NMNAT3: variants seen among roughly 807,000 people sequenced by gnomAD.
The protein encoded by NMNAT3 is nicotinamide nucleotide adenylyltransferase 3, also known as nicotinamide/nicotinic acid mononucleotide adenylyltransferase 3.
A neutral mutation model predicts 24.8 loss-of-function variants in NMNAT3; 21 were observed. The ratio of observed to expected loss-of-function variants is 0.85; its 90% CI spans 0.60 to 1.22. The LOEUF (loss-of-function observed/expected upper bound fraction) is 1.22, where lower values mean the gene tolerates loss of function less well. Ranked by LOEUF, NMNAT3 falls within the 50% of genes most tolerant of loss-of-function variation. NMNAT3 has a pLI of 0.00. For synonymous variants in NMNAT3, 136 were observed against 155.2 expected, an observed-to-expected ratio of 0.88 and a Z score of 0.92; for missense variants, 387 against 436.6, an observed-to-expected ratio of 0.89 and a Z score of 1.01.
chr3:139,638,958 C>G (rs1411830208), intron 1 of NMNAT3, among the ~76,000 whole-genome samples: 1 of 152,206 alleles, frequency 6.6e-6, no homozygotes, highest in Non-Finnish European at 1.5e-5. Flanking sequence ...TCATCCTGTC[C>G]TGAGTGCTCA....
intron 6 of NMNAT3, chr3:139,568,642 C>G (rs1174973044): frequency 6.6e-6 from 1 of 152,094 alleles, no homozygotes; most frequent in Non-Finnish European, 1.5e-5. Flanking sequence ...TTCCATGTAG[C>G]TGAGCGGTTT....
At position 139,595,887 on chromosome 3, in the gene NMNAT3, G is replaced by T. The variant is rs6808118; in HGVS notation, c.110-12679C>A. 7.7e-4 allele frequency among the ~76,000 whole-genome samples: 118 copies of T among 152,300 alleles called. 2 individuals are homozygous for T. The highest frequency in any genetic ancestry group is 2.6e-3 in the African/African-American group (107 of 41,558). ...AAGAAAACCTAGGCATTACCATTCAGGACATAGGCATGGGCAAGGACTTCA... is the reference window on the plus strand; with the variant it reads ...AAGAAAACCTAGGCATTACCATTCATGACATAGGCATGGGCAAGGACTTCA... On this transcript the variant is annotated intron_variant, in intron 3 of 6. Transcript: ENST00000643695.
At chr3:139,608,281 T>C (rs1435684061) in intron 3 of NMNAT3, among the ~76,000 whole-genome samples, 1 of 152,208 alleles carries the variant, frequency 6.6e-6, no homozygotes, top group Non-Finnish European at 1.5e-5. Flanking sequence ...GCGCCCTAGT[T>C]GCCAAGGATG....
At chr3:139,616,137 TAGATATCACCAACAAAGCCATTCTCCC>T (rs1467549975) in intron 3 of NMNAT3, among the ~76,000 whole-genome samples, 34 of 152,208 alleles carry the variant, frequency 2.2e-4, no homozygotes, top group African/African-American at 7.9e-4. Context: ...GCCATTCTCC[TAGATATCACCAACAAAGCCATTCTCCC>T]AGATATCACC....
rs924636852 is a variant in NMNAT3, at chr3:139,631,229, C to G, written c.-40-3465G>C. 3.3e-5 allele frequency among the ~76,000 whole-genome samples: 5 copies of G among 152,236 alleles called. No individual in the cohort carries two copies. The South Asian group carries it at 8.3e-4, about 25-fold the overall frequency. On this transcript the variant is annotated intron_variant, in intron 2 of 6. Transcript: ENST00000643695. ...ACACAGGAGTGCACATTCCCAGGAT[C>G]AGTAACAGGGTCAGTGCACCTGTAC...
intron 3 of NMNAT3, among the ~76,000 whole-genome samples, chr3:139,590,012 G>A (rs1178868761): frequency 6.6e-6 from 1 of 152,208 alleles, no homozygotes; most frequent in Non-Finnish European, 1.5e-5. Flanking sequence ...CAGGGAGACA[G>A]TGAAAGGCAA....
intron 3 of NMNAT3, among the ~76,000 whole-genome samples, chr3:139,618,149 T>TACC (rs1354981121): frequency 6.6e-6 from 1 of 152,144 alleles, no homozygotes; most frequent in Non-Finnish European, 1.5e-5. Context: ...CACACAATTG[T>TACC]ACCAGCCTAT....
At chr3:139,675,946 A>T (rs9833539) in intron 1 of NMNAT3, among the ~76,000 whole-genome samples, 61,744 of 151,982 alleles carry the variant, frequency 0.41, 12,799 homozygotes, top group Non-Finnish European at 0.45. Context: ...ACGACTCACA[A>T]GGTGAGTGAG....
chr3:139,657,704 T>C (rs1447878768), intron 1 of NMNAT3, among the ~76,000 whole-genome samples: 1 of 151,856 alleles, frequency 6.6e-6, no homozygotes, highest in East Asian at 1.9e-4. Flanking sequence ...AGGAGAGCCA[T>C]GCTGCACAAT....
At chr3:139,610,738 T>G (rs1497269) in intron 3 of NMNAT3, among the ~76,000 whole-genome samples, 4 of 152,188 alleles carry the variant, frequency 2.6e-5, no homozygotes, top group South Asian at 4.1e-4. Flanking sequence ...TAAATAGAAT[T>G]ATCATAGCTT....
In NMNAT3 at chr3:139,582,992, T is replaced by G; in HGVS notation, c.326A>C (p.Lys109Thr). The G allele has an allele frequency of 2.5e-6, 4 of 1,585,326 alleles. No homozygotes were observed. The highest frequency in any genetic ancestry group is 1.9e-5 in the Admixed American group (1 of 53,832). ...CCAGGTGCTATCTATAAATATAATT[T>G]TTTTCAGTGTTGTGCCTTTGCACTT... Residue 109 changes from lysine (K) to threonine (T), a missense_variant, in exon 4 of 7, where the codon AAA becomes ACA. Lys to Thr is a moderately conservative substitution (Grantham distance 78). Transcript: ENST00000643695.
At chr3:139,594,105 C>A (rs575652181) in intron 3 of NMNAT3, among the ~76,000 whole-genome samples, 2 of 151,864 alleles carry the variant, frequency 1.3e-5, no homozygotes, top group African/African-American at 4.8e-5. Context: ...ATCAAATAGA[C>A]GCAATAAAAA....
intron 1 of NMNAT3, among the ~76,000 whole-genome samples, chr3:139,647,849 C>T (rs184756945): frequency 6.6e-6 from 1 of 151,422 alleles, no homozygotes; most frequent in Non-Finnish European, 1.5e-5. Flanking sequence ...TTTAAACTAC[C>T]AAGTTTATGG....
intron 3 of NMNAT3, among the ~76,000 whole-genome samples, chr3:139,588,091 C>T (rs994294423): frequency 2.0e-5 from 3 of 152,142 alleles, no homozygotes; most frequent in African/African-American, 7.2e-5. Flanking sequence ...TCCAAATGGT[C>T]ATAAGTCCAA....
At chr3:139,630,433 G>A (rs979053019) in intron 2 of NMNAT3, among the ~76,000 whole-genome samples, 7 of 152,250 alleles carry the variant, frequency 4.6e-5, no homozygotes, top group African/African-American at 1.7e-4. Flanking sequence ...TTGACATCTA[G>A]CTTAGGTTAA....
intron 1 of NMNAT3, among the ~76,000 whole-genome samples, chr3:139,665,218 C>G (rs1471206098): frequency 6.6e-6 from 1 of 152,148 alleles, no homozygotes. Context: ...GAACCAGATT[C>G]CAGTTTCAGT....
intron 1 of NMNAT3, among the ~76,000 whole-genome samples, chr3:139,672,898 G>A (rs2057804477): frequency 6.6e-6 from 1 of 152,184 alleles, no homozygotes; most frequent in Non-Finnish European, 1.5e-5. Context: ...CAGGCATGGT[G>A]CCCCTCTGGA....
chr3:139,579,269 C>G (rs150913744), intron 4 of NMNAT3, among the ~76,000 whole-genome samples: 317 of 152,258 alleles, frequency 2.1e-3, no homozygotes, highest in African/African-American at 7.5e-3. Flanking sequence ...CCTTCTACAA[C>G]CCGGGTAGCA....
intron 1 of NMNAT3, among the ~76,000 whole-genome samples, chr3:139,656,794 AAAAC>A (rs1386494556): frequency 9.2e-5 from 14 of 152,176 alleles, no homozygotes; most frequent in Admixed American, 1.3e-4. Context: ...CCTGTCTCTA[AAAAC>A]AAACAAAGAC....
Sources: allele counts gnomAD v4.1 joint callset (sites outside exome capture counted in the v4.1 genomes callset), GRCh38; gene constraint gnomAD v4.1.1; transcripts MANE v1.5; gene names NCBI Gene and HGNC (gene_info 2026-07-23, HGNC 2026-07-21).